USH2A: variants seen among roughly 807,000 people sequenced by gnomAD.
USH2A encodes the protein Usher syndrome 2A (autosomal recessive, mild).
A neutral mutation model predicts 538.9 loss-of-function variants in USH2A; 443 were observed. That is an observed-to-expected ratio of 0.82 (90% CI 0.76 to 0.89). The LOEUF (loss-of-function observed/expected upper bound fraction) is 0.89. USH2A is among the 40% of genes least tolerant of loss of function. USH2A has a pLI of 0.00. For synonymous variants in USH2A, 2,413 were observed against 2,273.5 expected (o/e 1.06, Z -1.75); for missense variants, 6,633 against 6,324.8 (o/e 1.05, Z -1.65).
intron 55 of USH2A, among the ~76,000 whole-genome samples, chr1:215,768,408 C>G (rs1661190656): frequency 6.6e-6 from 1 of 152,216 alleles, no homozygotes; most frequent in Non-Finnish European, 1.5e-5. Flanking sequence ...TCTGGGTTCT[C>G]TGCTAAAGCA....
rs142438987 is a variant in USH2A at position 216,271,703 on chromosome 1, G to A, written c.1971+17577C>T. ...GGAAGTTCTCTTGTATTCCTAGTAGGCAGAGGGTATTTATCATGAAAGTGT... is the reference window on the plus strand; with the variant it reads ...GGAAGTTCTCTTGTATTCCTAGTAGACAGAGGGTATTTATCATGAAAGTGT... On this transcript the variant is annotated intron_variant, in intron 11 of 71. Transcript: ENST00000307340. Among the ~76,000 whole-genome samples, 21 of 152,052 alleles carry A rather than the reference G, an allele frequency of 1.4e-4. No individual in the cohort carries two copies. In the East Asian group the frequency reaches 2.5e-3, roughly 18 times the overall value.
intron 19 of USH2A, among the ~76,000 whole-genome samples, chr1:216,192,357 C>T (rs1275045096): frequency 1.3e-5 from 2 of 151,896 alleles, no homozygotes; most frequent in African/African-American, 2.4e-5. Flanking sequence ...GATTTCATTT[C>T]CTTGAACAGA....
At chr1:215,784,973 A>AAAGTCCATGACTTAAATCTATAACTGG (rs1188657117) in intron 52 of USH2A, among the ~76,000 whole-genome samples, 2 of 152,228 alleles carry the variant, frequency 1.3e-5, no homozygotes, top group Non-Finnish European at 2.9e-5. Context: ...TTTAAAAATG[A>AAAGTCCATGACTTAAATCTATAACTGG]AAGTCCATGA....
At chr1:215,758,281 C>T (rs1366888513) in intron 58 of USH2A, among the ~76,000 whole-genome samples, 5 of 68,558 alleles carry the variant, frequency 7.3e-5, no homozygotes, top group East Asian at 7.3e-4. Context: ...AGTGAAACTC[C>T]GTCTCAAAAA....
rs140003076 is a variant in USH2A, at chr1:215,743,341, AAGAGAG to A, written c.11390-12_11390-7del. 1.1e-5 allele frequency: 16 copies of A among 1,461,862 alleles called. No homozygotes were observed. The highest frequency in any genetic ancestry group is 7.6e-5 in the Admixed American group (4 of 52,760). The allele number at this position is 1,461,862 out of a possible 1,614,324, so 90.6% of individuals were successfully genotyped here. On this transcript the variant is annotated splice_polypyrimidine_tract_variant and splice_region_variant and intron_variant, in intron 58 of 71. Coordinates refer to ENST00000307340, the MANE Select transcript of USH2A (RefSeq NM_206933.4). ...AATTTCGGGGATGAGGATCCCTTTA[AAGAGAG>A]AGAGAGAGAGAGAACATTAAAAACA...
chr1:216,291,614 G>A (rs1290442851), intron 10 of USH2A, among the ~76,000 whole-genome samples: 1 of 152,124 alleles, frequency 6.6e-6, no homozygotes, highest in Non-Finnish European at 1.5e-5. Flanking sequence ...TCAGATGTTG[G>A]CCATTTCTTG....
chr1:216,407,992 GTA>G (rs1353633571), intron 3 of USH2A, among the ~76,000 whole-genome samples: 2 of 151,114 alleles, frequency 1.3e-5, no homozygotes, highest in South Asian at 2.1e-4. Flanking sequence ...AATTTTAGTA[GTA>G]TATGTGATAT....
At position 215,907,521 on chromosome 1, in the gene USH2A, C is replaced by A. The variant is rs150972624; in HGVS notation, c.7301-6616G>T. Among the ~76,000 whole-genome samples, 595 of 152,184 alleles carry A rather than the reference C, an allele frequency of 3.9e-3. 4 individuals carry two copies. Among genetic ancestry groups the A allele is most frequent in the African/African-American group, 0.014 (564 of 41,556 alleles). ...TTTGAGAATGCCTTTTAAACTTACA[C>A]TCCTTGTGTGTTTGGGCCACAGCCC... On this transcript the variant is annotated intron_variant, in intron 38 of 71. Transcript: ENST00000307340.
chr1:215,920,598 C>T (rs915413274), intron 38 of USH2A, among the ~76,000 whole-genome samples: 1 of 151,904 alleles, frequency 6.6e-6, no homozygotes, highest in African/African-American at 2.4e-5. Context: ...ATTATGAAAC[C>T]CCTTCCCAGA....
At chr1:216,297,187 G>A (rs2037124512) in intron 9 of USH2A, among the ~76,000 whole-genome samples, 1 of 151,968 alleles carries the variant, frequency 6.6e-6, no homozygotes. Flanking sequence ...TAATATGAGA[G>A]TAATAATACT....
At chr1:215,784,507 A>G (rs112821839) in intron 52 of USH2A, among the ~76,000 whole-genome samples, 1 of 149,940 alleles carries the variant, frequency 6.7e-6, no homozygotes, top group Non-Finnish European at 1.5e-5. Flanking sequence ...TCAATGAAAA[A>G]TTATTGTTTG....
chr1:216,084,919 G>A lies in USH2A; in HGVS notation c.4988-42C>T, dbSNP rs781489304. 1.9e-6 allele frequency: 3 copies of A among 1,591,220 alleles called. No homozygotes were observed. The South Asian group carries it at 3.3e-5, about 18-fold the overall frequency. On this transcript the variant is annotated intron_variant, in intron 24 of 71. Transcript: ENST00000307340. ...ATATCAAGAAATATATATTTTGAAA[G>A]ATTATTTTCAAGCAATTAATTTTAT...
At chr1:216,125,543 C>T (rs1254409326) in intron 21 of USH2A, among the ~76,000 whole-genome samples, 2 of 152,196 alleles carry the variant, frequency 1.3e-5, no homozygotes, top group African/African-American at 4.8e-5. Flanking sequence ...CTTTAAACAT[C>T]AATTTTGATT....
chr1:216,207,468 AAT>A (rs1558317625), intron 15 of USH2A, 37 bp from the exon 16 acceptor site: 1 of 1,613,566 alleles, frequency 6.2e-7, no homozygotes, highest in Non-Finnish European at 8.5e-7. Context: ...TTAGCAAAGC[AAT>A]CAATAAACAG....
At position 215,625,883 on chromosome 1, in the gene USH2A, C is replaced by T. The variant is rs1656004182; in HGVS notation, c.15520-13G>A. 1 of 1,612,226 alleles carries T rather than the reference C, an allele frequency of 6.2e-7. No homozygotes were observed. Among genetic ancestry groups the T allele is most frequent in the Non-Finnish European group, 8.5e-7 (1 of 1,178,492 alleles). On this transcript the variant is annotated splice_polypyrimidine_tract_variant and intron_variant, in intron 71 of 71. Coordinates refer to ENST00000307340, the MANE Select transcript of USH2A (RefSeq NM_206933.4). ...CTTCATCCACATACTGAAAAATAAG[C>T]CAATCATCATTGGCTACATACTTGC... is the stretch of plus-strand genomic sequence containing the variant.
intron 41 of USH2A, among the ~76,000 whole-genome samples, chr1:215,883,380 A>T (rs1278511184): frequency 1.3e-5 from 2 of 151,750 alleles, no homozygotes; most frequent in East Asian, 3.9e-4. Context: ...GTGGGGGGGA[A>T]GTTTATGCCT....
rs760568039 is a variant in USH2A, at chr1:215,656,361, C to A, written c.14134-5560G>T. The stretch of plus-strand genomic sequence containing the variant: ...TGAAAATATTTTATGATTCTTTTGG[C>A]CAAGGCAATGCTACAAGTCTTGTTC... On this transcript the variant is annotated intron_variant, in intron 64 of 71. Transcript: ENST00000307340. 6.6e-5 allele frequency among the ~76,000 whole-genome samples: 10 copies of A among 152,102 alleles called. No individual in the cohort carries two copies. In the South Asian group the frequency reaches 8.3e-4, roughly 13 times the overall value.
intron 62 of USH2A, among the ~76,000 whole-genome samples, chr1:215,677,331 A>G (rs1256159610): frequency 6.6e-6 from 1 of 151,844 alleles, no homozygotes; most frequent in Non-Finnish European, 1.5e-5. Context: ...ATCTCCCTCT[A>G]CTGGTTATTT....
chr1:215,702,680 C>T (rs994627917), intron 61 of USH2A, among the ~76,000 whole-genome samples: 6 of 151,628 alleles, frequency 4.0e-5, no homozygotes, highest in African/African-American at 1.5e-4. Context: ...ATGTTCTTCT[C>T]TAAACTGGTT....
Sources: gnomAD v4.1 joint callset for allele counts (sites outside exome capture counted in the v4.1 genomes callset) on GRCh38, gnomAD v4.1.1 for gene constraint, MANE v1.5 for transcripts, NCBI Gene and HGNC (gene_info 2026-07-23, HGNC 2026-07-21) for gene names.